The following PLXDC2 variants were observed in gnomAD, a reference collection of about 807,000 sequenced individuals.
PLXDC2 encodes the protein plexin domain-containing protein 2.
Under a neutral mutation model 68.9 loss-of-function variants are expected in PLXDC2, and 40 were observed. The observed-to-expected ratio is 0.58, with a 90% CI of 0.45 to 0.76. The LOEUF is 0.76. PLXDC2 is among the 30% of genes least tolerant of loss of function. The pLI, the probability that PLXDC2 is intolerant of heterozygous loss-of-function variation, is 0.00. For missense variants in PLXDC2, 644 were observed against 661.9 expected (o/e 0.97, Z 0.30); for synonymous variants, 243 against 234.2 (o/e 1.04, Z -0.34).
chr10:19,982,612 A>G (rs548751811), intron 1 of PLXDC2, among the ~76,000 whole-genome samples: 3 of 152,324 alleles, frequency 2.0e-5, no homozygotes, highest in South Asian at 2.1e-4. Flanking sequence ...AATAGAAAAC[A>G]TGCTCACTAG....
chr10:20,020,178 A>ATTTTTTTTTTTT lies in PLXDC2; in HGVS notation c.324+18203_324+18214dup, dbSNP rs71388889. Reference sequence around the variant, plus strand: ...AAACACATGCCACCACACCCAGCAAATTTTTTTTTTTTTTTTTTTTTTGTA... The same window carrying ATTTTTTTTTTTT: ...AAACACATGCCACCACACCCAGCAAATTTTTTTTTTTTTTTTTTTTTTTTTTTTTTTTTTGTA... On this transcript the variant is annotated intron_variant, in intron 2 of 13. Coordinates refer to ENST00000377252, the MANE Select transcript of PLXDC2 (RefSeq NM_032812.9). Among the ~76,000 whole-genome samples the ATTTTTTTTTTTT allele has an allele frequency of 5.2e-4, 56 of 107,326 alleles. 2 individuals are homozygous for ATTTTTTTTTTTT. The highest frequency in any genetic ancestry group is 1.4e-3 in the African/African-American group (33 of 24,178). The allele number at this position is 107,326 out of a possible 152,430, so 70.4% of individuals were successfully genotyped here.
chr10:20,067,397 G>T (rs1279816406), intron 3 of PLXDC2, among the ~76,000 whole-genome samples: 1 of 152,080 alleles, frequency 6.6e-6, no homozygotes, highest in Non-Finnish European at 1.5e-5. Flanking sequence ...GAAAATGTCT[G>T]CAGGTCAGCC....
chr10:20,141,692 A>C (rs1442209489), intron 4 of PLXDC2, among the ~76,000 whole-genome samples: 1 of 152,062 alleles, frequency 6.6e-6, no homozygotes, highest in Non-Finnish European at 1.5e-5. Flanking sequence ...TCATATTTAT[A>C]ATGTTAAGGA....
chr10:20,181,654 G>T (rs1416425875), intron 9 of PLXDC2, among the ~76,000 whole-genome samples: 1 of 152,022 alleles, frequency 6.6e-6, no homozygotes, highest in Non-Finnish European at 1.5e-5. Flanking sequence ...TTGACCTGAT[G>T]AGGAAAGGAA....
intron 1 of PLXDC2, among the ~76,000 whole-genome samples, chr10:19,943,679 A>G (rs1001844752): frequency 6.6e-6 from 1 of 152,146 alleles, no homozygotes; most frequent in Admixed American, 6.6e-5. Context: ...CTTGTACCCT[A>G]AAGAAATACT....
chr10:19,973,185 G>A (rs542742074), intron 1 of PLXDC2, among the ~76,000 whole-genome samples: 55 of 149,450 alleles, frequency 3.7e-4, no homozygotes, highest in African/African-American at 1.3e-3. Context: ...ATTTTCAATT[G>A]ATGAAGGTGT....
chr10:20,071,619 T>C (rs914088180), intron 4 of PLXDC2, among the ~76,000 whole-genome samples: 1 of 152,198 alleles, frequency 6.6e-6, no homozygotes, highest in African/African-American at 2.4e-5. Context: ...TCCCCAGCCA[T>C]GTACAACTGT....
intron 4 of PLXDC2, among the ~76,000 whole-genome samples, chr10:20,134,247 G>A (rs1034852072): frequency 5.3e-5 from 8 of 152,100 alleles, no homozygotes; most frequent in Admixed American, 3.3e-4. Context: ...TGCTTTATTT[G>A]GTTATCTTGA....
Position 20,046,968 on chromosome 10 carries a change from A to T in PLXDC2, c.424A>T (p.Lys142Ter). The T allele has an allele frequency of 6.2e-7, 1 of 1,612,568 alleles. No homozygotes were observed. The highest frequency in any genetic ancestry group is 8.5e-7 in the Non-Finnish European group (1 of 1,179,228). The change falls in exon 3 of 14, where the codon AAA (lysine) becomes TAA (stop). Residue 142 changes from lysine (K) to a stop codon, truncating the protein, a stop_gained. Transcript: ENST00000377252. LOFTEE classifies it high-confidence loss of function. Reference protein sequence around the residue: ...WVNIDQMEKDKVKIHGILSNT... With the variant: ...WVNIDQMEKD ...GAACATAGACCAAATGGAAAAAGAT[A>T]AAGTGAAGATTCATGGAATATTGTC... is the stretch of plus-strand genomic sequence containing the variant.
intron 1 of PLXDC2, among the ~76,000 whole-genome samples, chr10:19,855,061 G>T (rs991696404): frequency 1.3e-5 from 2 of 152,070 alleles, no homozygotes; most frequent in African/African-American, 2.4e-5. Context: ...ATTACTTCAG[G>T]GCAGGGATCT....
At chr10:20,199,620 A>G (rs1461685277) in intron 9 of PLXDC2, among the ~76,000 whole-genome samples, 1 of 152,024 alleles carries the variant, frequency 6.6e-6, no homozygotes, top group East Asian at 1.9e-4. Context: ...AAGAAGAATG[A>G]ATATTTAATG....
chr10:20,274,038 C>T (rs1229088565), intron 13 of PLXDC2, among the ~76,000 whole-genome samples: 7 of 123,822 alleles, frequency 5.7e-5, no homozygotes, highest in Admixed American at 3.2e-4. Flanking sequence ...GATACTGTCT[C>T]GAAAGAAAGA....
chr10:20,045,953 G>A (rs1835790377), intron 2 of PLXDC2, among the ~76,000 whole-genome samples: 2 of 151,944 alleles, frequency 1.3e-5, no homozygotes, highest in Admixed American at 1.3e-4. Context: ...TCTCCTCACT[G>A]AGTGGGAACC....
At chr10:19,924,513 T>C (rs139373632) in intron 1 of PLXDC2, among the ~76,000 whole-genome samples, 12 of 152,308 alleles carry the variant, frequency 7.9e-5, no homozygotes, top group Non-Finnish European at 1.6e-4. Context: ...GGTTATATAA[T>C]AGTGGCCAAT....
intron 1 of PLXDC2, among the ~76,000 whole-genome samples, chr10:19,859,240 G>A (rs565123273): frequency 1.4e-5 from 2 of 143,730 alleles, no homozygotes; most frequent in Non-Finnish European, 3.1e-5. Flanking sequence ...ATTCCACAGG[G>A]CAAAAAACAA....
At chr10:19,911,092 G>T (rs765753611) in intron 1 of PLXDC2, among the ~76,000 whole-genome samples, 2 of 151,848 alleles carry the variant, frequency 1.3e-5, no homozygotes, top group Non-Finnish European at 2.9e-5. Context: ...CCTTCTCGGG[G>T]GTGTGACTTG....
intron 1 of PLXDC2, among the ~76,000 whole-genome samples, chr10:19,863,881 A>T (rs1181012997): frequency 6.6e-6 from 1 of 152,184 alleles, no homozygotes; most frequent in African/African-American, 2.4e-5. Flanking sequence ...ATTTAGATAC[A>T]ATAATTAATG....
chr10:20,279,477 A>C (rs954755518), intron 13 of PLXDC2, among the ~76,000 whole-genome samples: 1 of 152,126 alleles, frequency 6.6e-6, no homozygotes, highest in African/African-American at 2.4e-5. Context: ...GGTGTGACAA[A>C]TGGTCTTTCC....
chr10:19,911,382 A>G (rs17758137), intron 1 of PLXDC2, among the ~76,000 whole-genome samples: 7,008 of 152,194 alleles, frequency 0.046, 200 homozygotes, highest in Middle Eastern at 0.13. Flanking sequence ...ACATGTTCCA[A>G]TTTGCTCTAG....
Sources: gnomAD v4.1 joint callset for allele counts (sites outside exome capture counted in the v4.1 genomes callset) on GRCh38, gnomAD v4.1.1 for gene constraint, MANE v1.5 for transcripts, NCBI Gene and HGNC (gene_info 2026-07-23, HGNC 2026-07-21) for gene names.